BBX: variants seen among roughly 807,000 people sequenced by gnomAD.
BBX encodes the protein HMG box transcription factor BBX.
BBX carries 30 observed loss-of-function variants against 100.2 expected under a neutral mutation model. That is an observed-to-expected ratio of 0.30 (90% CI 0.22 to 0.41). The LOEUF (loss-of-function observed/expected upper bound fraction) is 0.41, where lower values mean the gene tolerates loss of function less well. BBX is among the 10% of genes least tolerant of loss of function. The probability of loss-of-function intolerance (pLI) is 1.00; values close to 1 mark genes in which losing one functional copy is unlikely to be tolerated. For synonymous variants in BBX, 376 were observed against 388.1 expected (o/e 0.97, Z 0.37); for missense variants, 1,023 against 1,129.8 (o/e 0.91, Z 1.35).
chr3:107,794,112 T>G (rs1262930405), intron 15 of BBX, among the ~76,000 whole-genome samples: 1 of 152,190 alleles, frequency 6.6e-6, no homozygotes, highest in Non-Finnish European at 1.5e-5. Flanking sequence ...CATATGCTCA[T>G]GCTTTAAGCT....
At chr3:107,645,795 T>C (rs1373083208) in intron 2 of BBX, 41 bp from the exon 3 acceptor site, 1 of 152,658 alleles carries the variant, frequency 6.6e-6, no homozygotes, top group East Asian at 1.9e-4. Context: ...AAGGCCTTCC[T>C]GGCTCACCAT....
intron 7 of BBX, among the ~76,000 whole-genome samples, chr3:107,742,012 A>G (rs1411621710): frequency 6.6e-6 from 1 of 152,052 alleles, no homozygotes; most frequent in East Asian, 1.9e-4. Context: ...ATATTTTGAG[A>G]TTTTAGATCC....
At chr3:107,764,261 G>A (rs947050317) in intron 10 of BBX, among the ~76,000 whole-genome samples, 1 of 152,174 alleles carries the variant, frequency 6.6e-6, no homozygotes, top group African/African-American at 2.4e-5. Context: ...CAAAGTGCGG[G>A]GATTACAGGC....
intron 3 of BBX, among the ~76,000 whole-genome samples, chr3:107,651,193 G>T (rs978474636): frequency 6.6e-6 from 1 of 152,128 alleles, no homozygotes; most frequent in African/African-American, 2.4e-5. Flanking sequence ...CTTTACCAAA[G>T]AATGAAGTAA....
At chr3:107,708,282 A>G (rs909968351) in intron 3 of BBX, among the ~76,000 whole-genome samples, 1 of 152,232 alleles carries the variant, frequency 6.6e-6, no homozygotes, top group Non-Finnish European at 1.5e-5. Context: ...AAGTCATGTA[A>G]TTGCTTCAGA....
chr3:107,587,372 A>G (rs1559844919), intron 2 of BBX, among the ~76,000 whole-genome samples: 1 of 151,698 alleles, frequency 6.6e-6, no homozygotes, highest in African/African-American at 2.4e-5. Context: ...AAGGAGTGAA[A>G]TTACTTTTGG....
chr3:107,772,665 C>A lies in BBX; in HGVS notation c.944C>A (p.Ser315Ter). 1.9e-6 allele frequency: 3 copies of A among 1,595,664 alleles called. No homozygotes were observed. In the South Asian group the frequency reaches 3.5e-5, roughly 19 times the overall value. The change falls in exon 11 of 18, where the codon TCA (serine) becomes TAA (stop). Residue 315 changes from serine to a stop codon, truncating the protein, a stop_gained. Transcript: ENST00000325805. LOFTEE classifies it high-confidence loss of function. ...TCAGAAGGGATGAAAATGGAAGAAT[C>A]AAAGCTAATAAAAGCAAAAGAATCC... ...LASEGMKMEE[S>*]KLIKAKESDG...
At chr3:107,682,816 A>G (rs1021503) in intron 3 of BBX, among the ~76,000 whole-genome samples, 151,704 of 152,264 alleles carry the variant, frequency 1, 75,576 homozygotes, top group Middle Eastern at 1. Context: ...TTAATTTTGA[A>G]CAAGTGTGAA....
At chr3:107,566,747 G>C (rs1325400524) in intron 2 of BBX, among the ~76,000 whole-genome samples, 1 of 151,596 alleles carries the variant, frequency 6.6e-6, no homozygotes, top group Non-Finnish European at 1.5e-5. Flanking sequence ...CTTTTCTAAT[G>C]CTTAATCTTT....
intron 3 of BBX, among the ~76,000 whole-genome samples, chr3:107,678,429 G>T (rs1192291494): frequency 1.3e-5 from 2 of 152,098 alleles, no homozygotes; most frequent in Non-Finnish European, 2.9e-5. Context: ...ATGGTTAGAA[G>T]TTATTATGGG....
intron 3 of BBX, among the ~76,000 whole-genome samples, chr3:107,682,968 A>G (rs1440428358): frequency 6.6e-6 from 1 of 152,158 alleles, no homozygotes; most frequent in African/African-American, 2.4e-5. Context: ...TAACTTATTG[A>G]CTTTCTTTTT....
chr3:107,564,751 A>T (rs2050756541), intron 2 of BBX, among the ~76,000 whole-genome samples: 1 of 152,178 alleles, frequency 6.6e-6, no homozygotes, highest in African/African-American at 2.4e-5. Flanking sequence ...TAAGTGATTG[A>T]CTTATAGCTT....
chr3:107,601,165 G>A (rs1177514732), intron 2 of BBX, among the ~76,000 whole-genome samples: 1 of 152,176 alleles, frequency 6.6e-6, no homozygotes, highest in Non-Finnish European at 1.5e-5. Context: ...GGTAAAAGTT[G>A]TGTGTTCTGA....
intron 2 of BBX, among the ~76,000 whole-genome samples, chr3:107,545,710 G>T (rs1370518278): frequency 1.3e-5 from 2 of 152,162 alleles, no homozygotes; most frequent in Non-Finnish European, 2.9e-5. Context: ...GGCAATTGGT[G>T]GGATATTCAG....
At position 107,603,112 on chromosome 3, in the gene BBX, C is replaced by T. The variant is rs546576650; in HGVS notation, c.-83-42724C>T. Among the ~76,000 whole-genome samples, 27 of 151,814 alleles carry T rather than the reference C, an allele frequency of 1.8e-4. No individual in the cohort carries two copies. The South Asian group carries it at 3.5e-3, about 20-fold the overall frequency. ...CCAAGTAGCTGGGACTATAGGCTCC[C>T]GCCACCATGCCTGGCTAATTTTTTT... On this transcript the variant is annotated intron_variant, in intron 2 of 17. Transcript: ENST00000325805.
intron 13 of BBX, among the ~76,000 whole-genome samples, chr3:107,778,960 A>C (rs1020083435): frequency 1.4e-5 from 2 of 142,314 alleles, no homozygotes; most frequent in African/African-American, 5.3e-5. Flanking sequence ...TTATAGACCA[A>C]AGGAAAATAA....
chr3:107,627,248 TGCA>T (rs2056247085), intron 2 of BBX, among the ~76,000 whole-genome samples: 1 of 152,208 alleles, frequency 6.6e-6, no homozygotes, highest in Non-Finnish European at 1.5e-5. Context: ...AGGTGCTCAT[TGCA>T]ATACCTGTTT....
intron 3 of BBX, among the ~76,000 whole-genome samples, chr3:107,693,331 G>A (rs961123126): frequency 4.0e-5 from 6 of 151,768 alleles, no homozygotes; most frequent in Non-Finnish European, 5.9e-5. Flanking sequence ...TATGGTTTTA[G>A]GTCTAACGTT....
chr3:107,707,673 G>C (rs2061467509), intron 3 of BBX, among the ~76,000 whole-genome samples: 1 of 152,130 alleles, frequency 6.6e-6, no homozygotes, highest in South Asian at 2.1e-4. Flanking sequence ...CTCCAAAGTG[G>C]TATGTGAGCT....
Sources: gnomAD v4.1 joint callset for allele counts (sites outside exome capture counted in the v4.1 genomes callset) on GRCh38, gnomAD v4.1.1 for gene constraint, MANE v1.5 for transcripts, NCBI Gene and HGNC (gene_info 2026-07-23, HGNC 2026-07-21) for gene names.